Variants in ALPK2 observed in about 807,000 individuals in gnomAD.
ALPK2 encodes alpha-protein kinase 2.
Under a neutral mutation model 163.1 loss-of-function variants are expected in ALPK2, and 127 were observed. The observed-to-expected ratio is 0.78, with a 90% CI of 0.67 to 0.90. The LOEUF (loss-of-function observed/expected upper bound fraction) is 0.90, where lower values mean the gene tolerates loss of function less well. ALPK2 is among the 40% of genes least tolerant of loss of function. The pLI, the probability that ALPK2 is intolerant of heterozygous loss-of-function variation, is 0.00. For missense variants in ALPK2, 2,360 were observed against 2,589.6 expected (o/e 0.91, Z 1.92); for synonymous variants, 953 against 959.1 (o/e 0.99, Z 0.12).
At chr18:58,496,780 T>G (rs1032376746) in intron 12 of ALPK2, among the ~76,000 whole-genome samples, 2 of 152,184 alleles carry the variant, frequency 1.3e-5, no homozygotes, top group Non-Finnish European at 2.9e-5. Context: ...ACTTTACTCC[T>G]CTCAGGGCTG....
intron 1 of ALPK2, among the ~76,000 whole-genome samples, chr18:58,623,278 C>T (rs956040598): frequency 1.1e-4 from 16 of 152,082 alleles, no homozygotes; most frequent in African/African-American, 3.4e-4. Flanking sequence ...CACTATGTTG[C>T]CCAGGCTGTT....
chr18:58,542,103 G>A (rs752270308), intron 4 of ALPK2, among the ~76,000 whole-genome samples: 3 of 152,192 alleles, frequency 2.0e-5, no homozygotes, highest in Admixed American at 6.5e-5. Context: ...GGGGCTCTAG[G>A]AGTAAGCCCA....
Position 58,607,396 on chromosome 18 carries a change from G to A in ALPK2, c.153C>T (p.Ala51=), listed in dbSNP as rs780994785. 3 of 1,613,322 alleles carry A rather than the reference G, an allele frequency of 1.9e-6. No individual in the cohort carries two copies. In the Admixed American group the frequency reaches 5.0e-5, roughly 27 times the overall value. The stretch of plus-strand genomic sequence containing the variant: ...TGGAAATAATGCCACTCCCATCGAT[G>A]GCCTGACCATTCTTATACCAAGTTA... ...PEVTWYKNGQ[A]IDGSGIISNY... Residue 51 remains alanine, a synonymous_variant, in exon 3 of 13, where the codon GCC becomes GCT. Transcript: ENST00000361673.
intron 1 of ALPK2, among the ~76,000 whole-genome samples, chr18:58,619,509 C>T (rs1346877043): frequency 1.3e-5 from 2 of 152,200 alleles, no homozygotes; most frequent in Non-Finnish European, 2.9e-5. Flanking sequence ...TAATCCATTT[C>T]CCGTTTGCCC....
chr18:58,520,303 G>A (rs1249949922), intron 8 of ALPK2, among the ~76,000 whole-genome samples: 1 of 151,798 alleles, frequency 6.6e-6, no homozygotes, highest in African/African-American at 2.4e-5. Context: ...GGTGGCAGGT[G>A]CCTGTAATCC....
At chr18:58,573,348 A>ATATATGTG (rs2051899003) in intron 4 of ALPK2, among the ~76,000 whole-genome samples, 1 of 138,952 alleles carries the variant, frequency 7.2e-6, no homozygotes, top group African/African-American at 2.8e-5. Context: ...ATATATATGT[A>ATATATGTG]TATATATATG....
At chr18:58,621,399 C>T (rs1435658670) in intron 1 of ALPK2, among the ~76,000 whole-genome samples, 1 of 151,694 alleles carries the variant, frequency 6.6e-6, no homozygotes. Flanking sequence ...CTCAGCCTCC[C>T]GAGCTCGAAC....
At chr18:58,515,395 A>T (rs928221495) in intron 9 of ALPK2, among the ~76,000 whole-genome samples, 1 of 152,224 alleles carries the variant, frequency 6.6e-6, no homozygotes, top group Non-Finnish European at 1.5e-5. Flanking sequence ...GCCCCTCATC[A>T]CGTCATCAGG....
intron 6 of ALPK2, 27 bp from the exon 7 acceptor site, chr18:58,524,089 A>G: frequency 6.3e-7 from 1 of 1,595,508 alleles, no homozygotes; most frequent in Non-Finnish European, 8.6e-7. Flanking sequence ...TCACATTGAC[A>G]CACTTCATCA....
intron 10 of ALPK2, among the ~76,000 whole-genome samples, chr18:58,510,343 G>A (rs1254034536): frequency 6.6e-6 from 1 of 152,174 alleles, no homozygotes; most frequent in Non-Finnish European, 1.5e-5. Context: ...TGTTCTTTTG[G>A]CTTAGGACTG....
Position 58,481,868 on chromosome 18 carries a change from T to C in ALPK2, c.6468A>G (p.Thr2156=), listed in dbSNP as rs138028987. Residue 2156 remains threonine (T), a synonymous_variant, in exon 13 of 13, where the codon ACA becomes ACG. Transcript: ENST00000361673. ...GGGTCTCAGGCCCTGCCTTCTTTAT[T>C]GTCATAGAGTTTGTTTGAACTTTGC... The part of the protein sequence containing the change: ...GKSKVQTNSM[T]IKKAGPETPG... 1,917 of 1,614,098 alleles carry C rather than the reference T, an allele frequency of 1.2e-3. 43 individuals are homozygous for C. In the South Asian group the frequency reaches 0.02, roughly 17 times the overall value.
At chr18:58,505,508 G>A (rs2051457424) in intron 10 of ALPK2, among the ~76,000 whole-genome samples, 1 of 152,016 alleles carries the variant, frequency 6.6e-6, no homozygotes, top group African/African-American at 2.4e-5. Context: ...CAGGTGCCCT[G>A]GTCCCCGCCC....
intron 12 of ALPK2, among the ~76,000 whole-genome samples, chr18:58,488,836 G>A (rs540149434): frequency 1.9e-4 from 29 of 152,082 alleles, no homozygotes; most frequent in Admixed American, 8.5e-4. Context: ...CCGGTAGAAC[G>A]GATTGTCACC....
At chr18:58,562,880 C>G (rs1219652943) in intron 4 of ALPK2, among the ~76,000 whole-genome samples, 1 of 152,166 alleles carries the variant, frequency 6.6e-6, no homozygotes, top group African/African-American at 2.4e-5. Flanking sequence ...TGGTGTCTCT[C>G]CTTACAAGGG....
chr18:58,521,627 C>CCTT (rs2051552824), intron 8 of ALPK2, among the ~76,000 whole-genome samples: 1 of 55,376 alleles, frequency 1.8e-5, no homozygotes, highest in Non-Finnish European at 3.5e-5. Flanking sequence ...TTCTCTCTCT[C>CCTT]TTTTTTTTTT....
chr18:58,620,903 C>A (rs2052195256), intron 1 of ALPK2, among the ~76,000 whole-genome samples: 1 of 152,078 alleles, frequency 6.6e-6, no homozygotes. Flanking sequence ...CGTGTGTAAT[C>A]CCAGCACTTT....
At chr18:58,608,864 A>G (rs193287202) in intron 2 of ALPK2, among the ~76,000 whole-genome samples, 2 of 151,936 alleles carry the variant, frequency 1.3e-5, no homozygotes, top group Non-Finnish European at 2.9e-5. Context: ...AGACAGGAGT[A>G]TGATCTGAGC....
intron 3 of ALPK2, among the ~76,000 whole-genome samples, chr18:58,585,909 C>G (rs944464235): frequency 6.6e-6 from 1 of 152,168 alleles, no homozygotes; most frequent in Non-Finnish European, 1.5e-5. Context: ...GTCTCAAACT[C>G]CTGACCTCAG....
intron 3 of ALPK2, among the ~76,000 whole-genome samples, chr18:58,589,657 A>G (rs1197292801): frequency 1.3e-5 from 2 of 152,154 alleles, no homozygotes; most frequent in Non-Finnish European, 2.9e-5. Flanking sequence ...CCTTATTCTC[A>G]TGCTCATCCT....
Sources: gnomAD v4.1 joint callset for allele counts (sites outside exome capture counted in the v4.1 genomes callset) on GRCh38, gnomAD v4.1.1 for gene constraint, MANE v1.5 for transcripts, NCBI Gene and HGNC (gene_info 2026-07-23, HGNC 2026-07-21) for gene names.